COL22A1: variants seen among roughly 807,000 people sequenced by gnomAD.
COL22A1 encodes the protein collagen type XXII alpha 1 chain, also known as collagen alpha-1(XXII) chain.
A neutral mutation model predicts 248.9 loss-of-function variants in COL22A1; 221 were observed. The ratio of observed to expected loss-of-function variants is 0.89; its 90% CI spans 0.80 to 0.99. The LOEUF is 0.99. Among genes scored for constraint, COL22A1 ranks in the 50% least tolerant of loss-of-function variants. COL22A1 has a pLI of 0.00. For missense variants in COL22A1, 2,240 were observed against 2,179.0 expected (o/e 1.03, Z -0.56); for synonymous variants, 891 against 793.4 (o/e 1.12, Z -2.07).
At chr8:138,875,223 T>C (rs1451088162) in intron 3 of COL22A1, among the ~76,000 whole-genome samples, 1 of 152,046 alleles carries the variant, frequency 6.6e-6, no homozygotes, top group Admixed American at 6.6e-5. Flanking sequence ...AGACCAGTCA[T>C]GGTGAAGCCC....
intron 1 of COL22A1, among the ~76,000 whole-genome samples, chr8:138,896,955 A>G (rs1443639062): frequency 2.1e-5 from 3 of 145,672 alleles, no homozygotes; most frequent in African/African-American, 7.4e-5. Flanking sequence ...CCTGGGTGAC[A>G]GAGAGAGACT....
intron 41 of COL22A1, among the ~76,000 whole-genome samples, chr8:138,665,605 C>A (rs192970068): frequency 6.6e-6 from 1 of 152,166 alleles, no homozygotes; most frequent in East Asian, 1.9e-4. Flanking sequence ...GAAAGAAAAT[C>A]CCCTAGGAGC....
At chr8:138,603,300 T>G (rs1359221656) in intron 59 of COL22A1, among the ~76,000 whole-genome samples, 1 of 152,158 alleles carries the variant, frequency 6.6e-6, no homozygotes, top group Admixed American at 6.5e-5. Context: ...TGCTGTAACA[T>G]AATTACCAAA....
chr8:138,773,723 C>G (rs943304377), intron 16 of COL22A1, among the ~76,000 whole-genome samples: 1 of 152,144 alleles, frequency 6.6e-6, no homozygotes, highest in Non-Finnish European at 1.5e-5. Flanking sequence ...TGAGGGAAGA[C>G]GGGATGCCTG....
chr8:138,856,891 C>T (rs1489683297), intron 3 of COL22A1, among the ~76,000 whole-genome samples: 1 of 152,142 alleles, frequency 6.6e-6, no homozygotes, highest in African/African-American at 2.4e-5. Context: ...GCCCTGGGCT[C>T]CCAGTGACCT....
At chr8:138,857,427 G>T (rs973442177) in intron 3 of COL22A1, among the ~76,000 whole-genome samples, 2 of 152,154 alleles carry the variant, frequency 1.3e-5, no homozygotes, top group Non-Finnish European at 2.9e-5. Context: ...GGACATTCAC[G>T]GCTGACCTGG....
intron 1 of COL22A1, among the ~76,000 whole-genome samples, chr8:138,904,395 C>T (rs1157612970): frequency 6.6e-6 from 1 of 152,076 alleles, no homozygotes; most frequent in Non-Finnish European, 1.5e-5. Flanking sequence ...TGCGGCCTCC[C>T]TGGGTCTATA....
chr8:138,861,482 C>G (rs1332351516), intron 3 of COL22A1, among the ~76,000 whole-genome samples: 1 of 152,224 alleles, frequency 6.6e-6, no homozygotes, highest in East Asian at 1.9e-4. Flanking sequence ...AGGCTGGCCT[C>G]TCTGCAATGC....
At chr8:138,625,901 C>T (rs1458780196) in intron 51 of COL22A1, among the ~76,000 whole-genome samples, 2 of 151,892 alleles carry the variant, frequency 1.3e-5, no homozygotes, top group Non-Finnish European at 2.9e-5. Context: ...CATATATATA[C>T]AAGTACACAT....
At chr8:138,769,641 T>C (rs929203146) in intron 16 of COL22A1, among the ~76,000 whole-genome samples, 2 of 152,076 alleles carry the variant, frequency 1.3e-5, no homozygotes, top group African/African-American at 4.8e-5. Flanking sequence ...GTACCTGAGA[T>C]CTCGAGCTGC....
intron 3 of COL22A1, among the ~76,000 whole-genome samples, chr8:138,848,460 TACCAAATGGC>T (rs1821404795): frequency 6.6e-6 from 1 of 152,174 alleles, no homozygotes; most frequent in Non-Finnish European, 1.5e-5. Context: ...GGCCTCAGTT[TACCAAATGGC>T]AAAAGGGGGG....
chr8:138,707,672 C>G (rs1275936791), intron 30 of COL22A1, among the ~76,000 whole-genome samples: 1 of 152,134 alleles, frequency 6.6e-6, no homozygotes, highest in African/African-American at 2.4e-5. Context: ...AACCCACAAC[C>G]AATATCATAC....
At chr8:138,817,724 G>A (rs1045366595) in intron 7 of COL22A1, among the ~76,000 whole-genome samples, 1 of 152,228 alleles carries the variant, frequency 6.6e-6, no homozygotes, top group Non-Finnish European at 1.5e-5. Context: ...CCATGATAAT[G>A]TGAAGATGGT....
chr8:138,808,952 A>G (rs1260381853), intron 9 of COL22A1, among the ~76,000 whole-genome samples: 2 of 152,378 alleles, frequency 1.3e-5, no homozygotes, highest in East Asian at 3.9e-4. Flanking sequence ...TGAATAATGA[A>G]AATGTTTTGC....
chr8:138,755,398 G>T, intron 20 of COL22A1, 84 bp downstream of exon 20: 1 of 1,456,592 alleles, frequency 6.9e-7, no homozygotes, highest in Non-Finnish European at 9.6e-7. Context: ...CTCCATCTGA[G>T]TTCAGCCTGA....
chr8:138,845,750 C>A (rs1237803743), intron 3 of COL22A1, among the ~76,000 whole-genome samples: 1 of 152,030 alleles, frequency 6.6e-6, no homozygotes, highest in Non-Finnish European at 1.5e-5. Flanking sequence ...TGTCACAGGG[C>A]TGCTTTGAGG....
At chr8:138,711,352 C>T (rs760994078) in intron 30 of COL22A1, among the ~76,000 whole-genome samples, 8 of 152,156 alleles carry the variant, frequency 5.3e-5, no homozygotes, top group South Asian at 4.1e-4. Flanking sequence ...GCCTTAATGT[C>T]TTCTTTTGGA....
intron 18 of COL22A1, among the ~76,000 whole-genome samples, chr8:138,758,206 C>T (rs1020940555): frequency 4.6e-5 from 7 of 152,162 alleles, no homozygotes; most frequent in Admixed American, 4.6e-4. Context: ...ATGAGTGAGC[C>T]TGGAAGTAGA....
chr8:138,830,018 G>A (rs1489436181), intron 5 of COL22A1, among the ~76,000 whole-genome samples: 1 of 152,150 alleles, frequency 6.6e-6, no homozygotes, highest in Non-Finnish European at 1.5e-5. Context: ...ACATACATAT[G>A]TGTATCAGTC....
Sources: allele counts gnomAD v4.1 joint callset (sites outside exome capture counted in the v4.1 genomes callset), GRCh38; gene constraint gnomAD v4.1.1; transcripts MANE v1.5; gene names NCBI Gene and HGNC (gene_info 2026-07-23, HGNC 2026-07-21).